The following ARHGAP26 variants were observed in gnomAD, a reference collection of about 807,000 sequenced individuals.
The protein encoded by ARHGAP26 is Rho GTPase activating protein 26.
ARHGAP26 carries 38 observed loss-of-function variants against 104.8 expected under a neutral mutation model. The observed-to-expected ratio is 0.36, with a 90% confidence interval of 0.28 to 0.48. The LOEUF (loss-of-function observed/expected upper bound fraction) is 0.48. ARHGAP26 is among the 20% of genes least tolerant of loss of function. ARHGAP26 has a pLI of 0.99. For synonymous variants in ARHGAP26, 341 were observed against 340.0 expected, an observed-to-expected ratio of 1.00 and a Z score of -0.03; for missense variants, 704 against 947.9, an observed-to-expected ratio of 0.74 and a Z score of 3.38.
At chr5:142,890,151 A>AAAAAAAAAATAT (rs1252590997) in intron 5 of ARHGAP26, among the ~76,000 whole-genome samples, 7 of 32,420 alleles carry the variant, frequency 2.2e-4, no homozygotes, top group Non-Finnish European at 2.7e-4. Flanking sequence ...AAAAAAAAAA[A>AAAAAAAAAATAT]ATATATATAT....
intron 1 of ARHGAP26, chr5:142,867,934 C>G (rs1400700248): frequency 2.6e-5 from 4 of 152,040 alleles, no homozygotes; most frequent in Non-Finnish European, 4.4e-5. Flanking sequence ...ATGGAGTGCC[C>G]AACTTCCTCT....
chr5:142,796,731 C>G (rs1277838688), intron 1 of ARHGAP26, among the ~76,000 whole-genome samples: 1 of 152,250 alleles, frequency 6.6e-6, no homozygotes, highest in African/African-American at 2.4e-5. Flanking sequence ...TGTATAAGCT[C>G]TCTGCTCCAG....
intron 11 of ARHGAP26, among the ~76,000 whole-genome samples, chr5:142,954,752 C>G (rs1317151310): frequency 6.6e-6 from 1 of 152,168 alleles, no homozygotes. Context: ...TTCAGGTGTT[C>G]TGATGCCCAG....
intron 17 of ARHGAP26, among the ~76,000 whole-genome samples, chr5:143,062,333 A>G (rs1019246657): frequency 2.0e-5 from 3 of 152,290 alleles, no homozygotes; most frequent in Non-Finnish European, 2.9e-5. Flanking sequence ...TCATTACCCA[A>G]TTGTCTAATG....
intron 17 of ARHGAP26, among the ~76,000 whole-genome samples, chr5:143,106,282 G>C (rs2150671201): frequency 6.6e-6 from 1 of 152,154 alleles, no homozygotes; most frequent in Admixed American, 6.5e-5. Flanking sequence ...TTCCTAAATG[G>C]GTTGAGGCTG....
At chr5:142,822,712 C>T (rs1025212390) in intron 1 of ARHGAP26, among the ~76,000 whole-genome samples, 1 of 152,126 alleles carries the variant, frequency 6.6e-6, no homozygotes, top group Non-Finnish European at 1.5e-5. Flanking sequence ...TTCTAAATTA[C>T]AGTAAAGCAT....
chr5:142,979,672 A>G (rs115926027), intron 11 of ARHGAP26, among the ~76,000 whole-genome samples: 1,760 of 152,392 alleles, frequency 0.012, 35 homozygotes, highest in African/African-American at 0.04. Context: ...TGGAGGCCCC[A>G]GCTTCTGTTC....
At chr5:143,101,304 T>C (rs1793198294) in intron 17 of ARHGAP26, among the ~76,000 whole-genome samples, 1 of 152,210 alleles carries the variant, frequency 6.6e-6, no homozygotes, top group Admixed American at 6.5e-5. Flanking sequence ...GTGTCATTTC[T>C]CTTTCTCATA....
chr5:143,020,277 T>A (rs759461714), intron 12 of ARHGAP26, among the ~76,000 whole-genome samples: 1 of 152,192 alleles, frequency 6.6e-6, no homozygotes, highest in Non-Finnish European at 1.5e-5. Flanking sequence ...CAGGTGGCAC[T>A]GAGATATATG....
intron 17 of ARHGAP26, among the ~76,000 whole-genome samples, chr5:143,074,705 C>G (rs972245983): frequency 2.0e-5 from 3 of 152,224 alleles, no homozygotes; most frequent in Non-Finnish European, 4.4e-5. Context: ...TATTTACTCT[C>G]TGGTCCTTTA....
chr5:143,218,643 ATGTCCCCAGCAGC>A (rs1810709376), intron 22 of ARHGAP26, among the ~76,000 whole-genome samples: 1 of 152,194 alleles, frequency 6.6e-6, no homozygotes, highest in Admixed American at 6.5e-5. Context: ...AAGCTCACCC[ATGTCCCCAGCAGC>A]TTATATTTAG....
chr5:143,222,525 T>A lies in ARHGAP26; in HGVS notation c.*79T>A. On this transcript the variant is annotated 3_prime_UTR_variant, in exon 23 of 23. Coordinates refer to ENST00000645722, the MANE Select transcript of ARHGAP26 (RefSeq NM_001135608.3). ...GATTCCAGTGTCGAGGCCATTTCTC[T>A]TTGCCACTGAGAAATGCAGCGTGAC... The A allele has an allele frequency of 1.7e-6, 2 of 1,185,176 alleles. No homozygotes were observed. The highest frequency in any genetic ancestry group is 2.3e-6 in the Non-Finnish European group (2 of 855,568). 73.4% of individuals were successfully genotyped at this position (1,185,176 alleles called of 1,614,324 possible).
At chr5:142,834,870 A>G (rs1260269489) in intron 1 of ARHGAP26, among the ~76,000 whole-genome samples, 4 of 152,278 alleles carry the variant, frequency 2.6e-5, no homozygotes, top group African/African-American at 4.8e-5. Flanking sequence ...GCAAAGGAAC[A>G]TGCATTAAAG....
chr5:142,799,755 T>A (rs1761692696), intron 1 of ARHGAP26, among the ~76,000 whole-genome samples: 1 of 152,172 alleles, frequency 6.6e-6, no homozygotes, highest in Non-Finnish European at 1.5e-5. Context: ...CATCTGTTTA[T>A]AAGGAACCCA....
At chr5:143,121,259 A>T (rs1009391477) in intron 18 of ARHGAP26, 112 bp downstream of exon 18, 2 of 1,121,732 alleles carry the variant, frequency 1.8e-6, no homozygotes, top group Non-Finnish European at 2.5e-6. Context: ...TTACACTGTC[A>T]TGACGATGAA....
intron 20 of ARHGAP26, among the ~76,000 whole-genome samples, chr5:143,186,194 C>T (rs1599418440): frequency 6.6e-6 from 1 of 152,174 alleles, no homozygotes. Context: ...TATAATATCA[C>T]CTTGTAGAGT....
In ARHGAP26 at chr5:143,147,283, T is replaced by C. The variant is rs767153955; in HGVS notation, c.1890T>C (p.Asn630=). The C allele has an allele frequency of 5.0e-6, 8 of 1,614,044 alleles. No individual in the cohort carries two copies. In the South Asian group the frequency reaches 7.7e-5, roughly 16 times the overall value. The change falls in exon 20 of 23, where the codon AAT becomes AAC. Residue 630 remains asparagine (N), a synonymous_variant. Transcript: ENST00000645722. ...INSSLESVSS[N]PNSILNSSSS... ...CCAGTTTGGAATCTGTCTCATCAAA[T>C]CCAAACAGCATCCTTAATTCCAGCA...
intron 20 of ARHGAP26, among the ~76,000 whole-genome samples, chr5:143,197,839 TC>T (rs1020044321): frequency 6.6e-6 from 1 of 152,182 alleles, no homozygotes; most frequent in African/African-American, 2.4e-5. Context: ...GTCATTTTTT[TC>T]CATATAGATA....
chr5:143,138,812 A>G (rs1267992541), intron 19 of ARHGAP26, among the ~76,000 whole-genome samples: 5 of 152,352 alleles, frequency 3.3e-5, no homozygotes, highest in Non-Finnish European at 5.9e-5. Context: ...AAATTATATG[A>G]CACAGGTACT....
Sources: allele counts gnomAD v4.1 joint callset (sites outside exome capture counted in the v4.1 genomes callset), GRCh38; gene constraint gnomAD v4.1.1; transcripts MANE v1.5; gene names NCBI Gene and HGNC (gene_info 2026-07-23, HGNC 2026-07-21).